Variants in GALNT18 observed in about 807,000 individuals in gnomAD.
GALNT18 encodes the protein GalNAc-transferase 18.
GALNT18 carries 44 observed loss-of-function variants against 69.5 expected under a neutral mutation model. The ratio of observed to expected loss-of-function variants is 0.63; its 90% CI spans 0.50 to 0.81. The LOEUF (loss-of-function observed/expected upper bound fraction) is 0.81. Ranked by LOEUF, GALNT18 falls within the 40% of genes least tolerant of loss-of-function variation. The pLI is 0.00. For synonymous variants in GALNT18, 364 were observed against 318.2 expected (o/e 1.14, Z -1.53); for missense variants, 715 against 810.0 (o/e 0.88, Z 1.42).
chr11:11,449,381 C>A (rs1437198546), intron 1 of GALNT18, among the ~76,000 whole-genome samples: 2 of 152,240 alleles, frequency 1.3e-5, no homozygotes, highest in African/African-American at 2.4e-5. Flanking sequence ...TACTCCTCCA[C>A]CCAGTTCTTG....
chr11:11,442,211 A>C (rs891801923), intron 2 of GALNT18, among the ~76,000 whole-genome samples: 1 of 152,132 alleles, frequency 6.6e-6, no homozygotes, highest in Non-Finnish European at 1.5e-5. Flanking sequence ...TGGCCGATGA[A>C]GTCTTTCTCA....
In GALNT18 at chr11:11,555,894, GT is replaced by G; in HGVS notation, c.235+65464del. Among the ~76,000 whole-genome samples, 1 of 152,308 alleles carries G rather than the reference GT, an allele frequency of 6.6e-6. No individual in the cohort carries two copies. The highest frequency in any genetic ancestry group is 1.5e-5 in the Non-Finnish European group (1 of 68,014). ...AGCACATATCAGGAAAGAGGCTGGG[GT>G]CTCACGAGAATGCAGAGCAGGATCA... On this transcript the variant is annotated intron_variant, in intron 1 of 10. Coordinates refer to ENST00000227756, the MANE Select transcript of GALNT18 (RefSeq NM_198516.3). This position sits in a 1 kb window ranked among gnomAD's most constrained non-coding sequence, Gnocchi z 4.7.
chr11:11,497,370 A>ACACACACACACACACACACACACACACC lies in GALNT18; in HGVS notation c.236-48435_236-48434insGGTGTGTGTGTGTGTGTGTGTGTGTGTG, dbSNP rs1388394076. Among the ~76,000 whole-genome samples the ACACACACACACACACACACACACACACC allele has an allele frequency of 7.4e-6, 1 of 134,622 alleles. No individual in the cohort carries two copies. Among genetic ancestry groups the ACACACACACACACACACACACACACACC allele is most frequent in the African/African-American group, 3.0e-5 (1 of 32,928 alleles). 88.3% of individuals were successfully genotyped at this position (134,622 alleles called of 152,430 possible). On this transcript the variant is annotated intron_variant, in intron 1 of 10. Coordinates refer to ENST00000227756, the MANE Select transcript of GALNT18 (RefSeq NM_198516.3). The surrounding 1 kb of genome is among the most constrained non-coding windows in gnomAD (Gnocchi z 4.2). ...CACACACACACACACACACACACACACCCCTTAGAATGGGGCTCCTTAAGA... is the reference window on the plus strand; with the variant it reads ...CACACACACACACACACACACACACACACACACACACACACACACACACACACCCCCCTTAGAATGGGGCTCCTTAAGA...
chr11:11,563,997 A>G lies in GALNT18; in HGVS notation c.235+57362T>C, dbSNP rs1858580859. On this transcript the variant is annotated intron_variant, in intron 1 of 10. Coordinates refer to ENST00000227756, the MANE Select transcript of GALNT18 (RefSeq NM_198516.3). This position sits in a 1 kb window ranked among gnomAD's most constrained non-coding sequence, Gnocchi z 4.6. ...ACATGATGGCTTGCTCCAACGCCCTAAAAACCAGCAACGATCAACTAGATG... is the reference window on the plus strand; with the variant it reads ...ACATGATGGCTTGCTCCAACGCCCTGAAAACCAGCAACGATCAACTAGATG... Among the ~76,000 whole-genome samples, 1 of 152,186 alleles carries G rather than the reference A, an allele frequency of 6.6e-6. No homozygotes were observed. The highest frequency in any genetic ancestry group is 1.5e-5 in the Non-Finnish European group (1 of 68,032).
Position 11,534,763 on chromosome 11 carries a change from G to A in GALNT18, c.236-85827C>T, listed in dbSNP as rs144875966. Among the ~76,000 whole-genome samples, 166 of 152,318 alleles carry A rather than the reference G, an allele frequency of 1.1e-3. 1 individual carries two copies. The highest frequency in any genetic ancestry group is 3.6e-3 in the African/African-American group (151 of 41,560). ...GCTGGATTCTTGATATATTCTCCAC[G>A]CTGTGTTTACAAATACAACTGCAGA... On this transcript the variant is annotated intron_variant, in intron 1 of 10. Coordinates refer to ENST00000227756, the MANE Select transcript of GALNT18 (RefSeq NM_198516.3).
intron 2 of GALNT18, among the ~76,000 whole-genome samples, chr11:11,433,400 C>A (rs1465999033): frequency 1.3e-5 from 2 of 152,364 alleles, no homozygotes; most frequent in East Asian, 3.9e-4. Flanking sequence ...TCTCATTTCA[C>A]AGACAGGGAG....
intron 10 of GALNT18, among the ~76,000 whole-genome samples, chr11:11,278,646 A>G (rs1453920345): frequency 2.0e-5 from 3 of 152,132 alleles, no homozygotes; most frequent in Non-Finnish European, 4.4e-5. Flanking sequence ...ATGGGAGTTA[A>G]AATTAAAAAA....
In GALNT18 at chr11:11,359,214, A is replaced by C. The variant is rs1310726679; in HGVS notation, c.1092+13301T>G. ...AGCTGAGAACGGCCATGATACTAAC[A>C]GTGAGCTGAGATTACTCAGACCTCT... On this transcript the variant is annotated intron_variant, in intron 6 of 10. Transcript: ENST00000227756. Among the ~76,000 whole-genome samples, 6 of 140,392 alleles carry C rather than the reference A, an allele frequency of 4.3e-5. 1 individual carries two copies. The highest frequency in any genetic ancestry group is 1.4e-4 in the Admixed American group (2 of 14,196). 92.1% of individuals were successfully genotyped at this position (140,392 alleles called of 152,430 possible).
rs1161651357 is a variant in GALNT18, at chr11:11,540,546, G to A, written c.235+80813C>T. On this transcript the variant is annotated intron_variant, in intron 1 of 10. Coordinates refer to ENST00000227756, the MANE Select transcript of GALNT18 (RefSeq NM_198516.3). This position sits in a 1 kb window ranked among gnomAD's most constrained non-coding sequence, Gnocchi z 4.6. ...CAATCATATAAGTAATACTGAGGCTGCACTGAGGGGCTCCCAGAATTAGAG... is the reference window on the plus strand; with the variant it reads ...CAATCATATAAGTAATACTGAGGCTACACTGAGGGGCTCCCAGAATTAGAG... Among the ~76,000 whole-genome samples, 2 of 152,120 alleles carry A rather than the reference G, an allele frequency of 1.3e-5. No individual in the cohort carries two copies. The highest frequency in any genetic ancestry group is 2.9e-5 in the Non-Finnish European group (2 of 68,026).
rs1397516849 is a variant in GALNT18, at chr11:11,347,668, C to T, written c.1093-6664G>A. Among the ~76,000 whole-genome samples the T allele has an allele frequency of 6.6e-6, 1 of 152,148 alleles. No homozygotes were observed. Among genetic ancestry groups the T allele is most frequent in the East Asian group, 1.9e-4 (1 of 5,180 alleles). On this transcript the variant is annotated intron_variant, in intron 6 of 10. Transcript: ENST00000227756. This position sits in a 1 kb window ranked among gnomAD's most constrained non-coding sequence, Gnocchi z 4.0. ...AAACTGTTCCCACTGTTCTCTTAGC[C>T]CAGAAAGCCTCCTTCCTGCTCTCCA...
rs931966570 is a variant in GALNT18, at chr11:11,541,955, C to A, written c.235+79404G>T. ...ATCACAGGCAAGGCAACTATAGACA[C>A]GAGCCAAACCCAGGAGGAGCTTCAC... On this transcript the variant is annotated intron_variant, in intron 1 of 10. Coordinates refer to ENST00000227756, the MANE Select transcript of GALNT18 (RefSeq NM_198516.3). The surrounding 1 kb of genome is among the most constrained non-coding windows in gnomAD (Gnocchi z 4.8). 2.0e-5 allele frequency among the ~76,000 whole-genome samples: 3 copies of A among 152,076 alleles called. No homozygotes were observed. Among genetic ancestry groups the A allele is most frequent in the Non-Finnish European group, 4.4e-5 (3 of 68,020 alleles).
intron 6 of GALNT18, chr11:11,352,640 A>G: frequency 6.2e-7 from 1 of 1,614,190 alleles, no homozygotes; most frequent in Non-Finnish European, 8.5e-7. Context: ...TCATGACATT[A>G]TGGGGCTTGA....
In GALNT18 at chr11:11,542,674, T is replaced by G. The variant is rs983463089; in HGVS notation, c.235+78685A>C. Among the ~76,000 whole-genome samples the G allele has an allele frequency of 5.9e-5, 9 of 152,360 alleles. No individual in the cohort carries two copies. The highest frequency in any genetic ancestry group is 2.2e-4 in the African/African-American group (9 of 41,586). On this transcript the variant is annotated intron_variant, in intron 1 of 10. Transcript: ENST00000227756. The surrounding 1 kb of genome is among the most constrained non-coding windows in gnomAD (Gnocchi z 4.3). The stretch of plus-strand genomic sequence containing the variant: ...GGTTCAAATCTCTGCTACTTTCTAG[T>G]TGTGTAATCTTGGTCACCTCTCTGC...
Position 11,318,869 on chromosome 11 carries a change from C to A in GALNT18, c.1512+8217G>T, listed in dbSNP as rs2129528. Among the ~76,000 whole-genome samples, 2 of 152,136 alleles carry A rather than the reference C, an allele frequency of 1.3e-5. No individual in the cohort carries two copies. ...AATTTTCCAAGAGAATGTACTCATGCTTGACTTTGCTATTTACCTTTTGAT... is the reference window on the plus strand; with the variant it reads ...AATTTTCCAAGAGAATGTACTCATGATTGACTTTGCTATTTACCTTTTGAT... On this transcript the variant is annotated intron_variant, in intron 9 of 10. Coordinates refer to ENST00000227756, the MANE Select transcript of GALNT18 (RefSeq NM_198516.3). This position sits in a 1 kb window ranked among gnomAD's most constrained non-coding sequence, Gnocchi z 5.1.
chr11:11,332,970 C>T lies in GALNT18; in HGVS notation c.1279-139G>A, dbSNP rs527966435. On this transcript the variant is annotated intron_variant, in intron 7 of 10. Transcript: ENST00000227756. This position sits in a 1 kb window ranked among gnomAD's most constrained non-coding sequence, Gnocchi z 4.3. ...GGACCATGTGGCACGTTAACTCTTG[C>T]ATTTTCCCACGGGTACCTTAACCCC... 152 of 850,748 alleles carry T rather than the reference C, an allele frequency of 1.8e-4. 1 individual carries two copies. In the African/African-American group the frequency reaches 2.0e-3, roughly 11 times the overall value. The allele number at this position is 850,748 out of a possible 1,614,324, so 52.7% of individuals were successfully genotyped here.
At chr11:11,393,113 C>A (rs1016799145) in intron 3 of GALNT18, among the ~76,000 whole-genome samples, 6 of 152,150 alleles carry the variant, frequency 3.9e-5, no homozygotes, top group East Asian at 1.9e-4. Flanking sequence ...TGGGGCTGAC[C>A]CTCAGTTTGG....
chr11:11,352,203 C>T (rs769336790), intron 6 of GALNT18: 30 of 1,613,626 alleles, frequency 1.9e-5, no homozygotes, highest in Admixed American at 6.7e-5. Flanking sequence ...GTGGTCATAT[C>T]GCAGCAGTTT....
At chr11:11,445,309 G>T (rs1855624830) in intron 2 of GALNT18, among the ~76,000 whole-genome samples, 1 of 152,166 alleles carries the variant, frequency 6.6e-6, no homozygotes. Context: ...CTAATCATAG[G>T]ACCTACCTCA....
In GALNT18 at chr11:11,421,643, G is replaced by T. The variant is rs1211417823; in HGVS notation, c.595+10978C>A. On this transcript the variant is annotated intron_variant, in intron 3 of 10. Coordinates refer to ENST00000227756, the MANE Select transcript of GALNT18 (RefSeq NM_198516.3). The surrounding 1 kb of genome is among the most constrained non-coding windows in gnomAD (Gnocchi z 5.6). ...ATGCAGAGAAGGTTGGGGAAAGCTG[G>T]GGTTGCTGGCCAGCAGGTACAGGGA... is the stretch of plus-strand genomic sequence containing the variant. Among the ~76,000 whole-genome samples the T allele has an allele frequency of 4.6e-5, 7 of 152,124 alleles. No individual in the cohort carries two copies. The highest frequency in any genetic ancestry group is 1.0e-4 in the Non-Finnish European group (7 of 68,022).
Sources: allele counts gnomAD v4.1 joint callset (sites outside exome capture counted in the v4.1 genomes callset), GRCh38; gene constraint gnomAD v4.1.1; non-coding constraint Gnocchi (gnomAD v3.1); transcripts MANE v1.5; gene names NCBI Gene and HGNC (gene_info 2026-07-23, HGNC 2026-07-21).